Variants in EYS observed in about 807,000 individuals in gnomAD.
The protein encoded by EYS is EGF-like photoreceptor maintenance factor, also known as protein eyes shut homolog.
A neutral mutation model predicts 282.1 loss-of-function variants in EYS; 250 were observed. That is an observed-to-expected ratio of 0.89 (90% CI 0.80 to 0.98). The LOEUF (loss-of-function observed/expected upper bound fraction) is 0.98. EYS is among the 50% of genes least tolerant of loss of function. EYS has a pLI of 0.00. For synonymous variants in EYS, 1,355 were observed against 1,282.9 expected, an observed-to-expected ratio of 1.06 and a Z score of -1.20; for missense variants, 4,016 against 3,709.0, an observed-to-expected ratio of 1.08 and a Z score of -2.15.
intron 26 of EYS, among the ~76,000 whole-genome samples, chr6:64,522,927 T>A (rs1449801124): frequency 6.6e-6 from 1 of 151,724 alleles, no homozygotes; most frequent in African/African-American, 2.4e-5. Flanking sequence ...CAAAAGAATA[T>A]CTGGATGATT....
At chr6:65,538,015 T>C (rs928102696) in intron 2 of EYS, among the ~76,000 whole-genome samples, 1 of 152,180 alleles carries the variant, frequency 6.6e-6, no homozygotes, top group South Asian at 2.1e-4. Flanking sequence ...GGAAAGTTAC[T>C]TACACCTTTC....
intron 28 of EYS, among the ~76,000 whole-genome samples, chr6:64,423,451 T>G (rs1416351): frequency 0.28 from 42,114 of 152,118 alleles, 5,946 homozygotes; most frequent in East Asian, 0.46. Context: ...TTCTAATTAC[T>G]GACAGACATG....
chr6:65,254,476 A>G (rs1009936880), intron 12 of EYS, among the ~76,000 whole-genome samples: 2 of 151,906 alleles, frequency 1.3e-5, no homozygotes, highest in African/African-American at 4.8e-5. Flanking sequence ...TTATGAAAAG[A>G]AAAATTACTG....
intron 29 of EYS, among the ~76,000 whole-genome samples, chr6:64,309,601 A>T (rs996020139): frequency 1.1e-4 from 17 of 152,080 alleles, no homozygotes; most frequent in Admixed American, 7.9e-4. Context: ...CCTTCTTATA[A>T]AAATGTGAGC....
At chr6:64,561,880 G>A (rs1241987523) in intron 26 of EYS, among the ~76,000 whole-genome samples, 2 of 140,618 alleles carry the variant, frequency 1.4e-5, no homozygotes, top group African/African-American at 5.4e-5. Context: ...ACTACCAATG[G>A]CATTTTTTCA....
intron 12 of EYS, among the ~76,000 whole-genome samples, chr6:65,089,712 G>A (rs766939999): frequency 8.6e-5 from 13 of 152,016 alleles, no homozygotes; most frequent in Admixed American, 2.0e-4. Flanking sequence ...GCACTTCTTT[G>A]GGAGGCCAAG....
intron 5 of EYS, among the ~76,000 whole-genome samples, chr6:65,473,654 C>CT (rs1216610708): frequency 6.6e-6 from 1 of 151,826 alleles, no homozygotes; most frequent in South Asian, 2.1e-4. Context: ...GAATAATTAT[C>CT]TTTTTTGTTT....
At chr6:65,475,065 T>C (rs773817656) in intron 5 of EYS, among the ~76,000 whole-genome samples, 1 of 152,140 alleles carries the variant, frequency 6.6e-6, no homozygotes, top group African/African-American at 2.4e-5. Flanking sequence ...CAGACAAAAG[T>C]ATTTTATCAG....
intron 35 of EYS, among the ~76,000 whole-genome samples, chr6:63,921,655 T>C (rs1764577063): frequency 6.6e-6 from 1 of 152,196 alleles, no homozygotes; most frequent in Non-Finnish European, 1.5e-5. Flanking sequence ...TAGTAACACC[T>C]ACCAAGTATT....
chr6:64,324,032 C>A (rs1243778329), intron 29 of EYS, among the ~76,000 whole-genome samples: 1 of 152,086 alleles, frequency 6.6e-6, no homozygotes, highest in Non-Finnish European at 1.5e-5. Context: ...ACAGCCTGAA[C>A]CCATCACCCT....
Position 65,496,372 on chromosome 6 carries a change from G to T in EYS, c.-332-379C>A, listed in dbSNP as rs956914062. Among the ~76,000 whole-genome samples the T allele has an allele frequency of 5.3e-5, 8 of 152,058 alleles. No individual in the cohort carries two copies. In the East Asian group the frequency reaches 1.5e-3, roughly 29 times the overall value. The stretch of plus-strand genomic sequence containing the variant: ...AAAGGATTTCTGAGTTTAATATATT[G>T]ACCTATTTTTTTTTAAAAGGTAACT... On this transcript the variant is annotated intron_variant, in intron 2 of 42. Transcript: ENST00000503581.
At chr6:64,225,908 T>C (rs1766239135) in intron 31 of EYS, among the ~76,000 whole-genome samples, 2 of 152,200 alleles carry the variant, frequency 1.3e-5, no homozygotes. Flanking sequence ...TTATTTTCAA[T>C]TTAACATCTC....
intron 12 of EYS, among the ~76,000 whole-genome samples, chr6:65,111,853 C>T (rs1008343497): frequency 2.6e-5 from 4 of 152,076 alleles, no homozygotes; most frequent in Non-Finnish European, 4.4e-5. Flanking sequence ...TTTCCCCCCA[C>T]CAAAAAGTTA....
At position 65,120,167 on chromosome 6, in the gene EYS, C is replaced by CAAA. The variant is rs1448265867; in HGVS notation, c.2024-62443_2024-62441dup. ...ACTCCGTCTCAAAAAAAAAAAAAAA[C>CAAA]AAAAACAAATTTAAAAAAAACCCCA... On this transcript the variant is annotated intron_variant, in intron 12 of 42. Transcript: ENST00000503581. Among the ~76,000 whole-genome samples, 3 of 126,022 alleles carry CAAA rather than the reference C, an allele frequency of 2.4e-5. 1 individual carries two copies. Among genetic ancestry groups the CAAA allele is most frequent in the African/African-American group, 9.2e-5 (3 of 32,598 alleles). The allele number at this position is 126,022 out of a possible 152,430, so 82.7% of individuals were successfully genotyped here.
At chr6:64,634,344 A>G (rs1009233775) in intron 22 of EYS, among the ~76,000 whole-genome samples, 2 of 152,198 alleles carry the variant, frequency 1.3e-5, no homozygotes, top group Non-Finnish European at 2.9e-5. Context: ...ATACATAATT[A>G]TGTACAAAAT....
At chr6:65,247,888 T>C (rs190159023) in intron 12 of EYS, among the ~76,000 whole-genome samples, 98 of 152,158 alleles carry the variant, frequency 6.4e-4, no homozygotes, top group African/African-American at 2.2e-3. Context: ...AAGGTTATCT[T>C]TAGGCTTTAC....
At chr6:64,773,064 G>T (rs1773571961) in intron 22 of EYS, among the ~76,000 whole-genome samples, 1 of 151,754 alleles carries the variant, frequency 6.6e-6, no homozygotes, top group African/African-American at 2.4e-5. Flanking sequence ...TTGGTGTACA[G>T]ATTATTTCTT....
chr6:65,358,554 T>G (rs1384992285), intron 8 of EYS, among the ~76,000 whole-genome samples: 1 of 150,736 alleles, frequency 6.6e-6, no homozygotes, highest in Admixed American at 6.6e-5. Context: ...GTATTTGGCA[T>G]GCCATGAGAG....
chr6:64,717,373 C>A (rs1406437273), intron 22 of EYS, among the ~76,000 whole-genome samples: 1 of 152,174 alleles, frequency 6.6e-6, no homozygotes, highest in East Asian at 1.9e-4. Flanking sequence ...CACCTCAGCT[C>A]CACCTTAGAT....
Sources: allele counts gnomAD v4.1 joint callset (sites outside exome capture counted in the v4.1 genomes callset), GRCh38; gene constraint gnomAD v4.1.1; transcripts MANE v1.5; gene names NCBI Gene and HGNC (gene_info 2026-07-23, HGNC 2026-07-21).